The following HTR1F variants were observed in gnomAD, a reference collection of about 807,000 sequenced individuals.
HTR1F encodes 5-hydroxytryptamine receptor 1F.
A neutral mutation model predicts 24.0 loss-of-function variants in HTR1F; 17 were observed. That is an observed-to-expected ratio of 0.71 (90% CI 0.48 to 1.06). The LOEUF (loss-of-function observed/expected upper bound fraction) is 1.06. Ranked by LOEUF, HTR1F falls within the 50% of genes least tolerant of loss-of-function variation. The pLI is 0.00. For missense variants in HTR1F, 391 were observed against 427.8 expected (o/e 0.91, Z 0.76); for synonymous variants, 186 against 156.8 (o/e 1.19, Z -1.39).
chr3:87,922,541 G>T (rs1272442422), intron 2 of HTR1F, among the ~76,000 whole-genome samples: 2 of 151,684 alleles, frequency 1.3e-5, no homozygotes, highest in East Asian at 3.9e-4. Flanking sequence ...CTCTGTTTTT[G>T]CTTTTGTTAC....
At chr3:87,815,305 T>C (rs1704230243) in intron 1 of HTR1F, among the ~76,000 whole-genome samples, 1 of 152,026 alleles carries the variant, frequency 6.6e-6, no homozygotes, top group Non-Finnish European at 1.5e-5. Flanking sequence ...TATATATATA[T>C]GAACTGATAC....
At chr3:87,854,670 AT>A (rs1398599845) in intron 2 of HTR1F, among the ~76,000 whole-genome samples, 1 of 152,074 alleles carries the variant, frequency 6.6e-6, no homozygotes, top group Non-Finnish European at 1.5e-5. Context: ...ATATTTGAAA[AT>A]AATGTATTTT....
At chr3:87,850,946 A>G (rs1332689921) in intron 2 of HTR1F, among the ~76,000 whole-genome samples, 1 of 151,570 alleles carries the variant, frequency 6.6e-6, no homozygotes, top group Non-Finnish European at 1.5e-5. Flanking sequence ...ATAGTTGTCT[A>G]TACTATAATA....
At chr3:87,935,565 C>T (rs1043003252) in intron 2 of HTR1F, among the ~76,000 whole-genome samples, 5 of 151,984 alleles carry the variant, frequency 3.3e-5, no homozygotes, top group African/African-American at 1.2e-4. Context: ...AGACCTACCT[C>T]CAAAATTGGA....
chr3:87,924,974 AT>A (rs879317022), intron 2 of HTR1F, among the ~76,000 whole-genome samples: 8 of 150,236 alleles, frequency 5.3e-5, no homozygotes, highest in South Asian at 2.1e-4. Flanking sequence ...ACTTTCTTAA[AT>A]TTTTTTTTTA....
chr3:87,887,441 A>G (rs1355167747), intron 2 of HTR1F, among the ~76,000 whole-genome samples: 2 of 152,208 alleles, frequency 1.3e-5, no homozygotes, highest in Non-Finnish European at 2.9e-5. Flanking sequence ...TAAAACACCA[A>G]AAGCAATGGC....
intron 2 of HTR1F, among the ~76,000 whole-genome samples, chr3:87,887,135 C>G (rs971684995): frequency 6.0e-4 from 92 of 152,188 alleles, no homozygotes; most frequent in Non-Finnish European, 1.0e-3. Flanking sequence ...AACATACAGA[C>G]CAATGGAACA....
At chr3:87,882,451 C>G (rs899738163) in intron 2 of HTR1F, among the ~76,000 whole-genome samples, 7 of 151,976 alleles carry the variant, frequency 4.6e-5, no homozygotes, top group Non-Finnish European at 1.0e-4. Flanking sequence ...AGACTTGGAA[C>G]CAACCCAAAT....
chr3:87,859,557 T>C (rs1705272685), intron 2 of HTR1F, among the ~76,000 whole-genome samples: 1 of 152,170 alleles, frequency 6.6e-6, no homozygotes, highest in African/African-American at 2.4e-5. Context: ...TATGTGTCCT[T>C]GGAGCAGCCC....
At position 87,956,048 on chromosome 3, in the gene HTR1F, T is replaced by C. The variant is rs556026497; in HGVS notation, c.-42-34660T>C. Among the ~76,000 whole-genome samples, 25 of 151,510 alleles carry C rather than the reference T, an allele frequency of 1.7e-4. No homozygotes were observed. The East Asian group carries it at 4.5e-3, about 27-fold the overall frequency. On this transcript the variant is annotated intron_variant, in intron 2 of 2. Coordinates refer to ENST00000319595, the MANE Select transcript of HTR1F (RefSeq NM_001322209.2). ...GTTTTTTAGAAATCAGAAGCTTTAT[T>C]ACACTTTGGTAAAATCAAATTTAAT...
At chr3:87,905,539 G>A (rs1323864723) in intron 2 of HTR1F, among the ~76,000 whole-genome samples, 3 of 152,012 alleles carry the variant, frequency 2.0e-5, no homozygotes, top group South Asian at 2.1e-4. Flanking sequence ...AGACATAATT[G>A]CTATCATAAC....
intron 1 of HTR1F, among the ~76,000 whole-genome samples, chr3:87,821,430 C>T (rs771342688): frequency 1.3e-5 from 2 of 152,022 alleles, no homozygotes; most frequent in Non-Finnish European, 2.9e-5. Flanking sequence ...CTTATGATAC[C>T]CTACTTTTAA....
intron 2 of HTR1F, among the ~76,000 whole-genome samples, chr3:87,908,457 G>A (rs1267050892): frequency 6.6e-6 from 1 of 151,824 alleles, no homozygotes. Flanking sequence ...TCTGTTAAAT[G>A]TTTCCCAACT....
chr3:87,905,606 C>G (rs982272908), intron 2 of HTR1F, among the ~76,000 whole-genome samples: 1 of 151,902 alleles, frequency 6.6e-6, no homozygotes, highest in Admixed American at 6.6e-5. Context: ...TTGAGACATA[C>G]TTTTTGAAAT....
chr3:87,848,439 AT>A (rs1704998174), intron 2 of HTR1F, among the ~76,000 whole-genome samples: 2 of 150,846 alleles, frequency 1.3e-5, no homozygotes, highest in Admixed American at 6.6e-5. Flanking sequence ...TAATTTGCAA[AT>A]TTTTTCCCCT....
intron 1 of HTR1F, among the ~76,000 whole-genome samples, chr3:87,810,389 AATCACACAT>A (rs1029822222): frequency 3.3e-5 from 5 of 152,090 alleles, no homozygotes; most frequent in African/African-American, 1.2e-4. Context: ...TGCTTGGCCA[AATCACACAT>A]TTCTGGATGT....
intron 2 of HTR1F, among the ~76,000 whole-genome samples, chr3:87,888,030 T>C (rs1245848327): frequency 6.6e-6 from 1 of 152,210 alleles, no homozygotes; most frequent in Non-Finnish European, 1.5e-5. Flanking sequence ...GTATGTTTAC[T>C]GTGGCACTGT....
At chr3:87,963,239 G>A (rs1705098906) in intron 2 of HTR1F, among the ~76,000 whole-genome samples, 1 of 151,958 alleles carries the variant, frequency 6.6e-6, no homozygotes, top group Non-Finnish European at 1.5e-5. Context: ...ATAATTTAAT[G>A]TACAAGCCAA....
chr3:87,946,642 T>TTG (rs61305370), intron 2 of HTR1F, among the ~76,000 whole-genome samples: 2,494 of 138,812 alleles, frequency 0.018, 26 homozygotes, highest in African/African-American at 0.041. Flanking sequence ...TTTTTTTTTT[T>TTG]AAACAGTCTC....
Sources: gnomAD v4.1 joint callset for allele counts (sites outside exome capture counted in the v4.1 genomes callset) on GRCh38, gnomAD v4.1.1 for gene constraint, MANE v1.5 for transcripts, NCBI Gene and HGNC (gene_info 2026-07-23, HGNC 2026-07-21) for gene names.